JAG1: variants seen among roughly 807,000 people sequenced by gnomAD.
JAG1 encodes the protein protein jagged-1.
A neutral mutation model predicts 148.7 loss-of-function variants in JAG1; 23 were observed. The ratio of observed to expected loss-of-function variants is 0.15; its 90% CI spans 0.11 to 0.22. The LOEUF (loss-of-function observed/expected upper bound fraction) is 0.22, where lower values mean the gene tolerates loss of function less well. Among genes scored for constraint, JAG1 ranks in the 10% least tolerant of loss-of-function variants. The pLI is 1.00. For missense variants in JAG1, 1,054 were observed against 1,611.2 expected, an observed-to-expected ratio of 0.65 and a Z score of 5.92; for synonymous variants, 572 against 598.3, an observed-to-expected ratio of 0.96 and a Z score of 0.64.
chr20:10,652,820 G>C (rs1046470123), intron 5 of JAG1: 2 of 466,756 alleles, frequency 4.3e-6, no homozygotes, highest in Middle Eastern at 6.3e-4. Flanking sequence ...GGCTGTTTGG[G>C]AAGAGGCCAG....
chr20:10,672,212 C>T (rs1048497128), intron 2 of JAG1, among the ~76,000 whole-genome samples: 1 of 152,192 alleles, frequency 6.6e-6, no homozygotes, highest in Non-Finnish European at 1.5e-5. Flanking sequence ...GAAACGGACT[C>T]CCCCACACCC....
chr20:10,664,582 G>A (rs1399503487), intron 2 of JAG1, among the ~76,000 whole-genome samples: 4 of 152,204 alleles, frequency 2.6e-5, no homozygotes, highest in South Asian at 2.1e-4. Flanking sequence ...CAAGTATCGG[G>A]TAACTCTAGG....
chr20:10,642,605 G>A lies in JAG1; in HGVS notation c.2459-4C>T, dbSNP rs1364649684. On this transcript the variant is annotated splice_polypyrimidine_tract_variant and splice_region_variant and intron_variant, in intron 20 of 25. Transcript: ENST00000254958. ...GAAGACTGGCATTCATTGATGTCTAGGAGAAATGGAGTTCAAGTTTAGGGA... is the reference window on the plus strand; with the variant it reads ...GAAGACTGGCATTCATTGATGTCTAAGAGAAATGGAGTTCAAGTTTAGGGA... The A allele has an allele frequency of 6.4e-6, 10 of 1,567,884 alleles. No homozygotes were observed. The highest frequency in any genetic ancestry group is 8.8e-6 in the Non-Finnish European group (10 of 1,137,824).
At position 10,644,865 on chromosome 20, in the gene JAG1, T is replaced by C. The variant is rs2067296582; in HGVS notation, c.2342A>G (p.Gln781Arg). ...GTTCAAGGGGGGAGGACACTCACTC[T>C]GAGCACAGATGGGCCCCTCCCAGCC... is the stretch of plus-strand genomic sequence containing the variant. The part of the protein sequence containing the change: ...KEGWEGPICA[Q>R]NTNDCSPHPC... Residue 781 changes from glutamine (Q) to arginine (R), a missense_variant and splice_region_variant, in exon 18 of 26, where the codon CAG (glutamine) becomes CGG (arginine). By Grantham distance (43) the Gln-to-Arg change is conservative. Around this residue, in one of 6 missense-constraint regions of JAG1, gnomAD observed 342 missense variants for 514.6 expected, o/e 0.66. Coordinates refer to ENST00000254958, the MANE Select transcript of JAG1 (RefSeq NM_000214.3). 1.9e-6 allele frequency: 3 copies of C among 1,611,342 alleles called. No individual in the cohort carries two copies. The highest frequency in any genetic ancestry group is 1.7e-5 in the Admixed American group (1 of 60,002).
intron 5 of JAG1, among the ~76,000 whole-genome samples, chr20:10,655,625 G>A (rs538010596): frequency 6.6e-6 from 1 of 152,158 alleles, no homozygotes; most frequent in Non-Finnish European, 1.5e-5. Flanking sequence ...AAAGTGACAG[G>A]CTCAAAGGAT....
At chr20:10,655,515 G>A (rs968371510) in intron 5 of JAG1, among the ~76,000 whole-genome samples, 2 of 152,100 alleles carry the variant, frequency 1.3e-5, no homozygotes, top group Admixed American at 6.6e-5. Context: ...CAGGACCTGC[G>A]TTTTAATAAG....
In JAG1 at chr20:10,639,452, T is replaced by C. The variant is rs774786943; in HGVS notation, c.*46A>G. 6.6e-7 allele frequency: 1 copy of C among 1,512,578 alleles called. No individual in the cohort carries two copies. Among genetic ancestry groups the C allele is most frequent in the South Asian group, 1.1e-5 (1 of 88,954 alleles). 93.7% of individuals were successfully genotyped at this position (1,512,578 alleles called of 1,614,324 possible). On this transcript the variant is annotated 3_prime_UTR_variant, in exon 26 of 26. Transcript: ENST00000254958. ...AGTATGACACGACAGTTTAAAGAAC[T>C]ACAAGCCCTCAGACTCTACCTAGCG...
intron 2 of JAG1, among the ~76,000 whole-genome samples, chr20:10,670,510 C>T (rs935974136): frequency 6.6e-6 from 1 of 152,294 alleles, no homozygotes; most frequent in Non-Finnish European, 1.5e-5. Context: ...TAGTTAAATA[C>T]TCGCTCAGCT....
chr20:10,667,832 T>G (rs1273992022), intron 2 of JAG1, among the ~76,000 whole-genome samples: 1 of 152,094 alleles, frequency 6.6e-6, no homozygotes, highest in Non-Finnish European at 1.5e-5. Flanking sequence ...GATAATTAAA[T>G]GCACCAGTTA....
chr20:10,640,989 T>C, intron 24 of JAG1, 56 bp from the exon 25 acceptor site: 1 of 1,612,544 alleles, frequency 6.2e-7, no homozygotes, highest in Non-Finnish European at 8.5e-7. Context: ...GCAGCCTTTC[T>C]TCAAAATTAC....
rs1180418350 is a variant in JAG1, at chr20:10,641,559, G to A, written c.2817C>T (p.Ser939=). 59 of 1,614,214 alleles carry A rather than the reference G, an allele frequency of 3.7e-5. No homozygotes were observed. Among genetic ancestry groups the A allele is most frequent in the Non-Finnish European group, 5.0e-5 (59 of 1,180,034 alleles). ...ACTTTGTCTTCACCGGCTGGAGACTGGAAGACCGACACTCGCCCACACCAG... is the reference window on the plus strand; with the variant it reads ...ACTTTGTCTTCACCGGCTGGAGACTAGAAGACCGACACTCGCCCACACCAG... ...PCTGVGECRS[S]SLQPVKTKCT... The change falls in exon 23 of 26, where the codon TCC becomes TCT. Residue 939 remains serine (S), a synonymous_variant. Transcript: ENST00000254958.
chr20:10,670,273 C>A (rs2067486938), intron 2 of JAG1, among the ~76,000 whole-genome samples: 1 of 152,218 alleles, frequency 6.6e-6, no homozygotes, highest in Admixed American at 6.5e-5. Context: ...CCCCTGCACC[C>A]TTTGCTGATA....
intron 3 of JAG1, among the ~76,000 whole-genome samples, chr20:10,659,727 GA>G (rs1445620683): frequency 2.1e-5 from 3 of 146,126 alleles, no homozygotes; most frequent in Non-Finnish European, 1.5e-5. Context: ...AAATTGAGGG[GA>G]GGGTTTCTTT....
rs757671163 is a variant in JAG1, at chr20:10,644,424, G to T, written c.2345-40C>A. 1.1e-5 allele frequency: 17 copies of T among 1,570,494 alleles called. No individual in the cohort carries two copies. In the East Asian group the frequency reaches 3.4e-4, roughly 31 times the overall value. On this transcript the variant is annotated intron_variant, in intron 18 of 25. Transcript: ENST00000254958. ...CAACTTAATAGTGAGGACTTCAACA[G>T]GGAAAGCGGTCTTAGCCCTAAGTAA...
chr20:10,649,137 GA>G (rs1568796645), intron 10 of JAG1, 30 bp from the exon 11 acceptor site: 1 of 1,507,816 alleles, frequency 6.6e-7, no homozygotes, highest in Non-Finnish European at 9.2e-7. Flanking sequence ...TCATTTTAAA[GA>G]GGTAATTTAC....
chr20:10,639,510 C>G lies in JAG1; in HGVS notation c.3645G>C (p.Glu1215Asp). 6.2e-7 allele frequency: 1 copy of G among 1,614,132 alleles called. No individual in the cohort carries two copies. The highest frequency in any genetic ancestry group is 8.5e-7 in the Non-Finnish European group (1 of 1,179,994). ...LESAQSLNRM[E>D]YIV ...TGCCCGCGGTCTGCTATACGATGTA[C>G]TCCATTCGGTTTAAGCTCTGGGCAC... is the stretch of plus-strand genomic sequence containing the variant. The change falls in exon 26 of 26, where the codon GAG becomes GAC. Residue 1215 changes from glutamate to aspartate, a missense_variant. This residue lies in a region of JAG1 where 177 missense variants were observed against 177.3 expected (regional missense o/e 1.00). Transcript: ENST00000254958.
chr20:10,645,408 A>G lies in JAG1; in HGVS notation c.2061T>C (p.Asn687=), dbSNP rs1352187729. The part of the protein sequence containing the change: ...HNGGTCRDLV[N]DFYCDCKNGW... ...CATTTTTACAGTCACAGTAGAAGTC[A>G]TTGACCAGGTCGCGACACGTGCCCC... The change falls in exon 16 of 26, where the codon AAT becomes AAC. Residue 687 remains asparagine (N), a synonymous_variant. Coordinates refer to ENST00000254958, the MANE Select transcript of JAG1 (RefSeq NM_000214.3). This position sits in a 1 kb window ranked among gnomAD's most constrained non-coding sequence, Gnocchi z 6.1. 2 of 1,612,734 alleles carry G rather than the reference A, an allele frequency of 1.2e-6. No individual in the cohort carries two copies. The highest frequency in any genetic ancestry group is 3.3e-5 in the Admixed American group (2 of 59,898).
rs189075364 is a variant in JAG1, at chr20:10,660,914, A to T, written c.440-2192T>A. ...ATGACCGCCTCGCAGGCCAAGGAGG[A>T]GGTGATGAAGGGCGAGTCTGAGCAT... is the stretch of plus-strand genomic sequence containing the variant. On this transcript the variant is annotated intron_variant, in intron 3 of 25. Transcript: ENST00000254958. Among the ~76,000 whole-genome samples, 174 of 152,266 alleles carry T rather than the reference A, an allele frequency of 1.1e-3. 1 individual carries two copies. The highest frequency in any genetic ancestry group is 4.0e-3 in the African/African-American group (166 of 41,558).
rs1799753665 is a variant in JAG1, at chr20:10,642,478, G to A, written c.2572+10C>T. On this transcript the variant is annotated intron_variant, in intron 21 of 25. Coordinates refer to ENST00000254958, the MANE Select transcript of JAG1 (RefSeq NM_000214.3). ...AAGACCCATGGGCAGCTGAAGCCTG[G>A]CACACATACCTTCCTGGCACTTGGC... The A allele has an allele frequency of 1.3e-6, 2 of 1,543,148 alleles. No homozygotes were observed. The highest frequency in any genetic ancestry group is 1.8e-6 in the Non-Finnish European group (2 of 1,115,254).
Sources: allele counts gnomAD v4.1 joint callset (sites outside exome capture counted in the v4.1 genomes callset), GRCh38; gene constraint gnomAD v4.1.1; regional missense constraint gnomAD v4.1.1; non-coding constraint Gnocchi (gnomAD v3.1); transcripts MANE v1.5; gene names NCBI Gene and HGNC (gene_info 2026-07-23, HGNC 2026-07-21).